Variants in CLOCK observed in about 807,000 individuals in gnomAD.
CLOCK encodes circadian locomoter output cycles protein kaput.
A neutral mutation model predicts 118.4 loss-of-function variants in CLOCK; 43 were observed. The ratio of observed to expected loss-of-function variants is 0.36; its 90% CI spans 0.28 to 0.47. The LOEUF (loss-of-function observed/expected upper bound fraction) is 0.47. CLOCK is among the 20% of genes least tolerant of loss of function. The pLI is 1.00. For synonymous variants in CLOCK, 326 were observed against 339.2 expected, an observed-to-expected ratio of 0.96 and a Z score of 0.43; for missense variants, 846 against 999.9, an observed-to-expected ratio of 0.85 and a Z score of 2.08.
At chr4:55,460,735 T>C (rs912796491) in intron 9 of CLOCK, among the ~76,000 whole-genome samples, 3 of 152,198 alleles carry the variant, frequency 2.0e-5, no homozygotes, top group African/African-American at 7.2e-5. Flanking sequence ...GTAACACCTT[T>C]CTTTGCTCAC....
At chr4:55,512,210 A>C (rs1322888436) in intron 1 of CLOCK, among the ~76,000 whole-genome samples, 1 of 152,146 alleles carries the variant, frequency 6.6e-6, no homozygotes, top group East Asian at 1.9e-4. Context: ...CCAGCAATGA[A>C]TGAGAGTTCC....
At chr4:55,535,898 T>G (rs1730864726) in intron 1 of CLOCK, among the ~76,000 whole-genome samples, 1 of 152,018 alleles carries the variant, frequency 6.6e-6, no homozygotes, top group South Asian at 2.1e-4. Flanking sequence ...CCTGGGAGTA[T>G]TTCCTAATTA....
intron 1 of CLOCK, chr4:55,546,534 C>G (rs1219758939): frequency 6.6e-6 from 1 of 151,398 alleles, no homozygotes; most frequent in Admixed American, 6.6e-5. Context: ...AGGTCTCCCG[C>G]TGCGGTGACT....
rs1419088330 is a variant in CLOCK at position 55,434,062 on chromosome 4, T to C, written c.*1353A>G. 1 of 152,640 alleles carries C rather than the reference T, an allele frequency of 6.6e-6. No individual in the cohort carries two copies. Among genetic ancestry groups the C allele is most frequent in the Non-Finnish European group, 1.5e-5 (1 of 68,036 alleles). 9.5% of individuals were successfully genotyped at this position (152,640 alleles called of 1,614,324 possible). ...TTGTACCTCCAGTCCAAGAGACTGA[T>C]AGCAGTCTTCAGAGGAACTTATTAG... On this transcript the variant is annotated 3_prime_UTR_variant, in exon 23 of 23. Coordinates refer to ENST00000513440, the MANE Select transcript of CLOCK (RefSeq NM_004898.4).
chr4:55,471,690 T>G (rs1726153507), intron 7 of CLOCK, among the ~76,000 whole-genome samples: 1 of 152,088 alleles, frequency 6.6e-6, no homozygotes. Context: ...GGCACAGAAG[T>G]GACAGCTGAA....
At chr4:55,521,948 G>A (rs1729871542) in intron 1 of CLOCK, among the ~76,000 whole-genome samples, 1 of 152,102 alleles carries the variant, frequency 6.6e-6, no homozygotes, top group Non-Finnish European at 1.5e-5. Context: ...CTTATAATAT[G>A]GGTCTTTCAA....
intron 18 of CLOCK, 85 bp from the exon 19 acceptor site, chr4:55,444,870 T>C (rs1723673190): frequency 3.7e-6 from 5 of 1,361,932 alleles, no homozygotes; most frequent in Non-Finnish European, 5.1e-6. Context: ...GTAAGCAGTA[T>C]AACATGAGTG....
At chr4:55,506,732 T>G (rs1728822596) in intron 2 of CLOCK, among the ~76,000 whole-genome samples, 1 of 152,046 alleles carries the variant, frequency 6.6e-6, no homozygotes. Context: ...GCTAATTTTT[T>G]GTATTTTTAG....
chr4:55,516,906 A>G (rs1729550063), intron 1 of CLOCK, among the ~76,000 whole-genome samples: 1 of 152,114 alleles, frequency 6.6e-6, no homozygotes. Context: ...AACTAATCTA[A>G]GTCTACTTTC....
rs1722763892 is a variant in CLOCK at position 55,434,932 on chromosome 4, C to A, written c.*483G>T. On this transcript the variant is annotated 3_prime_UTR_variant, in exon 23 of 23. Coordinates refer to ENST00000513440, the MANE Select transcript of CLOCK (RefSeq NM_004898.4). ...AAAGTAATTACTGTTCCATCATTAT[C>A]TGAAAAGGGAGAGGGGTTGGGGGAG... 1 of 179,748 alleles carries A rather than the reference C, an allele frequency of 5.6e-6. No individual in the cohort carries two copies. Among genetic ancestry groups the A allele is most frequent in the Non-Finnish European group, 1.2e-5 (1 of 83,858 alleles). The allele number at this position is 179,748 out of a possible 1,614,324, so 11.1% of individuals were successfully genotyped here.
At chr4:55,442,715 C>A in intron 20 of CLOCK, 81 bp from the exon 21 acceptor site, 1 of 1,130,240 alleles carries the variant, frequency 8.8e-7, no homozygotes, top group African/African-American at 1.5e-5. Flanking sequence ...ATCATTCTAA[C>A]AATATGACAA....
In CLOCK at chr4:55,433,287, CCTT is replaced by C. The variant is rs1560406669; in HGVS notation, c.*2125_*2127del. On this transcript the variant is annotated 3_prime_UTR_variant, in exon 23 of 23. Transcript: ENST00000513440. ...GGATGGTCATTTAGCTAGAAGAGCT[CCTT>C]GATATGTTAATTACTGATTGATATC... 6.6e-6 allele frequency: 1 copy of C among 152,564 alleles called. No homozygotes were observed. Among genetic ancestry groups the C allele is most frequent in the African/African-American group, 2.4e-5 (1 of 41,438 alleles). 9.5% of individuals were successfully genotyped at this position (152,564 alleles called of 1,614,324 possible).
chr4:55,535,739 CTTTT>C (rs758384802), intron 1 of CLOCK, among the ~76,000 whole-genome samples: 2 of 124,142 alleles, frequency 1.6e-5, no homozygotes, highest in South Asian at 2.6e-4. Flanking sequence ...ATGGGAGAAT[CTTTT>C]TTTTTTTTTT....
chr4:55,451,126 T>G (rs551857346), intron 15 of CLOCK, among the ~76,000 whole-genome samples: 1 of 151,818 alleles, frequency 6.6e-6, no homozygotes, highest in Admixed American at 6.6e-5. Flanking sequence ...GCAAAACCCC[T>G]CCCTATTCAC....
At chr4:55,517,374 G>A (rs954811353) in intron 1 of CLOCK, among the ~76,000 whole-genome samples, 5 of 152,134 alleles carry the variant, frequency 3.3e-5, no homozygotes, top group Non-Finnish European at 7.3e-5. Context: ...GCCGGGTGTG[G>A]TGGCACGGGC....
At chr4:55,444,847 C>G in intron 18 of CLOCK, 62 bp from the exon 19 acceptor site, 1 of 1,523,340 alleles carries the variant, frequency 6.6e-7, no homozygotes, top group Non-Finnish European at 9.0e-7. Flanking sequence ...CTTATAATTG[C>G]ACAACATGAA....
intron 1 of CLOCK, chr4:55,540,984 C>CT: frequency 6.6e-6 from 1 of 152,302 alleles, no homozygotes; most frequent in Middle Eastern, 3.4e-3. Context: ...AAACAGCATA[C>CT]TTTAAAAGAC....
At chr4:55,499,410 GATC>G (rs1390419121) in intron 2 of CLOCK, among the ~76,000 whole-genome samples, 6 of 152,210 alleles carry the variant, frequency 3.9e-5, no homozygotes, top group Admixed American at 2.6e-4. Flanking sequence ...TTCCACTTCA[GATC>G]ATCACACTTG....
In CLOCK at chr4:55,434,029, T is replaced by C. The variant is rs1306723103; in HGVS notation, c.*1386A>G. ...GTGTTAGGTTATCATCTTTTATTTC[T>C]AAATTATTTGTACCTCCAGTCCAAG... On this transcript the variant is annotated 3_prime_UTR_variant, in exon 23 of 23. Coordinates refer to ENST00000513440, the MANE Select transcript of CLOCK (RefSeq NM_004898.4). 1 of 152,624 alleles carries C rather than the reference T, an allele frequency of 6.6e-6. No individual in the cohort carries two copies. Among genetic ancestry groups the C allele is most frequent in the Non-Finnish European group, 1.5e-5 (1 of 68,030 alleles). The allele number at this position is 152,624 out of a possible 1,614,324, so 9.5% of individuals were successfully genotyped here.
Sources: gnomAD v4.1 joint callset for allele counts (sites outside exome capture counted in the v4.1 genomes callset) on GRCh38, gnomAD v4.1.1 for gene constraint, MANE v1.5 for transcripts, NCBI Gene and HGNC (gene_info 2026-07-23, HGNC 2026-07-21) for gene names.